Variants in ARMH4 observed in about 807,000 individuals in gnomAD.
The protein encoded by ARMH4 is armadillo-like helical domain-containing protein 4.
ARMH4 carries 49 observed loss-of-function variants against 61.9 expected under a neutral mutation model. The observed-to-expected ratio is 0.79, with a 90% CI of 0.63 to 1.00. The LOEUF (loss-of-function observed/expected upper bound fraction) is 1.00. Ranked by LOEUF, ARMH4 falls within the 50% of genes least tolerant of loss-of-function variation. The pLI is 0.00. For missense variants in ARMH4, 934 were observed against 930.0 expected, an observed-to-expected ratio of 1.00 and a Z score of -0.06; for synonymous variants, 368 against 341.5, an observed-to-expected ratio of 1.08 and a Z score of -0.85.
chr14:58,016,328 T>C (rs1400835266), intron 5 of ARMH4, among the ~76,000 whole-genome samples: 1 of 152,196 alleles, frequency 6.6e-6, no homozygotes, highest in Non-Finnish European at 1.5e-5. Flanking sequence ...AATGGCAAGA[T>C]GTTGTTCAAC....
chr14:58,121,138 C>T (rs1425615044), intron 4 of ARMH4, among the ~76,000 whole-genome samples: 1 of 152,194 alleles, frequency 6.6e-6, no homozygotes, highest in Admixed American at 6.5e-5. Context: ...CTTCTACTAG[C>T]ACTCGTGCTC....
intron 5 of ARMH4, among the ~76,000 whole-genome samples, chr14:58,068,511 A>T (rs1432395652): frequency 1.3e-5 from 2 of 152,138 alleles, no homozygotes; most frequent in Admixed American, 6.6e-5. Flanking sequence ...CAACCAATGC[A>T]TTTGGGGATA....
chr14:58,129,081 C>T (rs1014238137), intron 4 of ARMH4, among the ~76,000 whole-genome samples: 6 of 152,176 alleles, frequency 3.9e-5, no homozygotes, highest in Non-Finnish European at 2.9e-5. Flanking sequence ...TTGCAGGCTC[C>T]AGACTGCGTA....
At chr14:58,101,739 G>A (rs571440310) in intron 4 of ARMH4, among the ~76,000 whole-genome samples, 2 of 152,112 alleles carry the variant, frequency 1.3e-5, no homozygotes, top group East Asian at 3.9e-4. Flanking sequence ...ACAGCAGTGA[G>A]GATTGTGAAA....
chr14:58,062,866 T>C (rs1045283962), intron 5 of ARMH4, among the ~76,000 whole-genome samples: 1 of 151,984 alleles, frequency 6.6e-6, no homozygotes, highest in Non-Finnish European at 1.5e-5. Context: ...GAGAGTGGAG[T>C]GATCTAGCCA....
intron 5 of ARMH4, among the ~76,000 whole-genome samples, chr14:58,075,547 G>A (rs1418092756): frequency 6.6e-6 from 1 of 151,422 alleles, no homozygotes; most frequent in Non-Finnish European, 1.5e-5. Flanking sequence ...AGTGGGAGTT[G>A]AACCATGAGA....
Position 58,086,582 on chromosome 14 carries a change from T to C in ARMH4, c.2089+10142A>G, listed in dbSNP as rs372753057. On this transcript the variant is annotated intron_variant, in intron 5 of 7. Coordinates refer to ENST00000267485, the MANE Select transcript of ARMH4 (RefSeq NM_001001872.4). Reference sequence around the variant, plus strand: ...CCTTGCCCCACCCCCCACATTACTATCCAGGAGAGATGCAATAGAGCATCC... The same window carrying C: ...CCTTGCCCCACCCCCCACATTACTACCCAGGAGAGATGCAATAGAGCATCC... Among the ~76,000 whole-genome samples the C allele has an allele frequency of 2.9e-4, 44 of 152,170 alleles. 2 individuals carry two copies. The South Asian group carries it at 7.7e-3, about 27-fold the overall frequency.
At chr14:58,045,357 C>T (rs1883896310) in intron 5 of ARMH4, among the ~76,000 whole-genome samples, 2 of 152,032 alleles carry the variant, frequency 1.3e-5, no homozygotes, top group African/African-American at 4.8e-5. Flanking sequence ...CCAACTATCG[C>T]AAGGACAAAA....
chr14:58,082,640 C>A (rs1885263648), intron 5 of ARMH4, among the ~76,000 whole-genome samples: 1 of 152,186 alleles, frequency 6.6e-6, no homozygotes, highest in Non-Finnish European at 1.5e-5. Context: ...TCTTCCCCAG[C>A]ATATTTCACA....
At chr14:58,025,968 T>C (rs999953028) in intron 5 of ARMH4, among the ~76,000 whole-genome samples, 2 of 152,154 alleles carry the variant, frequency 1.3e-5, no homozygotes, top group Non-Finnish European at 2.9e-5. Flanking sequence ...GGTACCCTAA[T>C]CTCTACTTTC....
At chr14:58,043,660 C>A (rs1019213542) in intron 5 of ARMH4, among the ~76,000 whole-genome samples, 32 of 152,226 alleles carry the variant, frequency 2.1e-4, no homozygotes, top group Admixed American at 5.2e-4. Flanking sequence ...AGAGGAAGTC[C>A]AATTGTCCCT....
chr14:58,099,493 C>T (rs996193472), intron 4 of ARMH4, among the ~76,000 whole-genome samples: 2 of 152,092 alleles, frequency 1.3e-5, no homozygotes, highest in South Asian at 2.1e-4. Flanking sequence ...TGGGAGGGCA[C>T]GGGGGACCTT....
chr14:58,090,879 CAAAAA>C (rs561257563), intron 5 of ARMH4, among the ~76,000 whole-genome samples: 1 of 59,308 alleles, frequency 1.7e-5, no homozygotes. Context: ...GACCCTGTCT[CAAAAA>C]AAAAAAAAAA....
intron 5 of ARMH4, among the ~76,000 whole-genome samples, chr14:58,020,829 G>C (rs2141146747): frequency 6.6e-6 from 1 of 152,254 alleles, no homozygotes; most frequent in South Asian, 2.1e-4. Context: ...TTATTATAAG[G>C]CGTTGGCTCA....
Position 58,139,250 on chromosome 14 carries a change from T to C in ARMH4, c.109A>G (p.Ile37Val), listed in dbSNP as rs765389947. ...AFPKIERRREIAHVHAEKGQS... is the reference protein window; with the variant it reads ...AFPKIERRREVAHVHAEKGQS... ...CCTTTTTCCGCATGAACATGTGCTA[T>C]CTCCCTCCTCCTTTCTATTTTGGGG... Residue 37 changes from isoleucine (I) to valine (V), a missense_variant, in exon 2 of 8, where the codon ATA (isoleucine) becomes GTA (valine). Ile to Val is a conservative substitution (Grantham distance 29). Coordinates refer to ENST00000267485, the MANE Select transcript of ARMH4 (RefSeq NM_001001872.4). 1.2e-6 allele frequency: 2 copies of C among 1,614,192 alleles called. No individual in the cohort carries two copies. Among genetic ancestry groups the C allele is most frequent in the Admixed American group, 3.3e-5 (2 of 60,032 alleles).
At chr14:58,032,985 G>A (rs1344020144) in intron 5 of ARMH4, among the ~76,000 whole-genome samples, 3 of 143,078 alleles carry the variant, frequency 2.1e-5, no homozygotes, top group African/African-American at 2.6e-5. Context: ...AGGGGCGCCC[G>A]CCATTGCCCA....
intron 5 of ARMH4, among the ~76,000 whole-genome samples, chr14:58,043,380 A>G (rs1342117411): frequency 6.6e-6 from 1 of 152,136 alleles, no homozygotes; most frequent in Non-Finnish European, 1.5e-5. Flanking sequence ...TAGATGCAGA[A>G]AAGGCCTTTG....
intron 5 of ARMH4, among the ~76,000 whole-genome samples, chr14:58,096,244 A>G (rs1296307879): frequency 1.3e-5 from 2 of 152,228 alleles, no homozygotes; most frequent in African/African-American, 4.8e-5. Flanking sequence ...GCAGGGGAAG[A>G]ACTTCCCCTA....
intron 5 of ARMH4, among the ~76,000 whole-genome samples, chr14:58,080,236 T>C (rs897562843): frequency 2.6e-5 from 4 of 152,030 alleles, no homozygotes; most frequent in African/African-American, 9.7e-5. Context: ...TTCAAGTGAT[T>C]CTCCTGCCTC....
Sources: allele counts gnomAD v4.1 joint callset (sites outside exome capture counted in the v4.1 genomes callset), GRCh38; gene constraint gnomAD v4.1.1; transcripts MANE v1.5; gene names NCBI Gene and HGNC (gene_info 2026-07-23, HGNC 2026-07-21).